Variants in CENPK observed in about 807,000 individuals in gnomAD.
CENPK encodes the protein centromere protein K.
CENPK carries 46 observed loss-of-function variants against 40.9 expected under a neutral mutation model. That is an observed-to-expected ratio of 1.13 (90% confidence interval 0.89 to 1.44). The LOEUF (loss-of-function observed/expected upper bound fraction) is 1.44, where lower values mean the gene tolerates loss of function less well. CENPK is among the 40% of genes most tolerant of loss of function. The pLI, the probability that CENPK is intolerant of heterozygous loss-of-function variation, is 0.00. For missense variants in CENPK, 288 were observed against 303.5 expected (o/e 0.95, Z 0.38); for synonymous variants, 107 against 104.4 (o/e 1.02, Z -0.15).
chr5:65,549,736 G>T (rs912237425), intron 5 of CENPK, among the ~76,000 whole-genome samples: 1 of 152,112 alleles, frequency 6.6e-6, no homozygotes, highest in African/African-American at 2.4e-5. Flanking sequence ...CTCAGCCTTT[G>T]TAGAATTGAA....
intron 2 of CENPK, among the ~76,000 whole-genome samples, chr5:65,559,549 A>G (rs1442701277): frequency 6.6e-6 from 1 of 150,462 alleles, no homozygotes; most frequent in East Asian, 1.9e-4. Context: ...GAATGGCGTG[A>G]ACCCGGGAGG....
At chr5:65,524,371 C>G (rs935259212) in intron 9 of CENPK, among the ~76,000 whole-genome samples, 2 of 149,012 alleles carry the variant, frequency 1.3e-5, no homozygotes, top group Non-Finnish European at 3.0e-5. Context: ...GGCAACAAAG[C>G]GAGACTCCAA....
chr5:65,513,969 T>C (rs1742677032), downstream of CENPK, among the ~76,000 whole-genome samples: 1 of 152,198 alleles, frequency 6.6e-6, no homozygotes, highest in Non-Finnish European at 1.5e-5. Flanking sequence ...CATGTATTGA[T>C]ATGATCATGA....
At chr5:65,500,599 G>T in the CENPK span, among the ~76,000 whole-genome samples, 7 of 152,010 alleles carry the variant, frequency 4.6e-5, no homozygotes, top group Non-Finnish European at 7.4e-5. Context: ...CTGTTCATTT[G>T]ATTTCATCAT....
chr5:65,522,867 A>G (rs1026478400), intron 9 of CENPK, among the ~76,000 whole-genome samples: 1 of 152,250 alleles, frequency 6.6e-6, no homozygotes, highest in Non-Finnish European at 1.5e-5. Context: ...ACCAAAGACA[A>G]AAAAAGAACA....
At chr5:65,541,472 C>A (rs779754007) in intron 6 of CENPK, 1 of 456,114 alleles carries the variant, frequency 2.2e-6, no homozygotes, top group Non-Finnish European at 4.4e-6. Context: ...GAATTCCCCA[C>A]ACATTTTGGT....
chr5:65,518,307 G>T lies in CENPK; in HGVS notation c.*168C>A. ...CTAAAGCACTCACTGAATAAGAAAT[G>T]ACCATTTAAAAATGAATAATAGATG... On this transcript the variant is annotated 3_prime_UTR_variant, in exon 11 of 11. Coordinates refer to ENST00000396679, the MANE Select transcript of CENPK (RefSeq NM_022145.5). 1 of 615,526 alleles carries T rather than the reference G, an allele frequency of 1.6e-6. No homozygotes were observed. Among genetic ancestry groups the T allele is most frequent in the East Asian group, 2.9e-5 (1 of 34,132 alleles). The allele number at this position is 615,526 out of a possible 1,614,324, so 38.1% of individuals were successfully genotyped here.
chr5:65,496,776 G>A, the CENPK span, among the ~76,000 whole-genome samples: 1 of 151,946 alleles, frequency 6.6e-6, no homozygotes, highest in East Asian at 1.9e-4. Flanking sequence ...TAAAAAGGCT[G>A]GGTGCGATGG....
chr5:65,510,284 T>C, the CENPK span, among the ~76,000 whole-genome samples: 25 of 152,148 alleles, frequency 1.6e-4, no homozygotes, highest in African/African-American at 6.0e-4. Flanking sequence ...ATATGAATGG[T>C]AAGAAAGTGA....
At position 65,529,110 on chromosome 5, in the gene CENPK, A is replaced by C. The variant is rs1379418714; in HGVS notation, c.371+7T>G. On this transcript the variant is annotated splice_region_variant and intron_variant, in intron 7 of 10. Transcript: ENST00000396679. ...AATGATTAATAGTAATTGTAACATA[A>C]ACAAACCTTTCTAAGTCTTCCTTTA... The C allele has an allele frequency of 6.3e-7, 1 of 1,593,350 alleles. No individual in the cohort carries two copies. Among genetic ancestry groups the C allele is most frequent in the South Asian group, 1.1e-5 (1 of 89,888 alleles).
chr5:65,551,502 TATTAA>T (rs1750038927), intron 5 of CENPK, 57 bp downstream of exon 5: 1 of 914,796 alleles, frequency 1.1e-6, no homozygotes, highest in African/African-American at 1.8e-5. Flanking sequence ...TTCCTACAAT[TATTAA>T]ATTAATTTGC....
chr5:65,508,663 G>A, the CENPK span, among the ~76,000 whole-genome samples: 1 of 151,712 alleles, frequency 6.6e-6, no homozygotes, highest in Non-Finnish European at 1.5e-5. Context: ...GCAGATGCCT[G>A]TAATCCCAGC....
At chr5:65,507,700 AAACT>A in the CENPK span, among the ~76,000 whole-genome samples, 2 of 152,224 alleles carry the variant, frequency 1.3e-5, no homozygotes, top group Non-Finnish European at 2.9e-5. Flanking sequence ...TGAAACCAGT[AAACT>A]AACACTGATA....
At chr5:65,499,040 A>G in the CENPK span, among the ~76,000 whole-genome samples, 50 of 151,474 alleles carry the variant, frequency 3.3e-4, no homozygotes, top group South Asian at 1.3e-3. Flanking sequence ...CTTTTTTTAA[A>G]TAGAGAATGA....
At chr5:65,512,365 T>A in the CENPK span, among the ~76,000 whole-genome samples, 2 of 152,314 alleles carry the variant, frequency 1.3e-5, no homozygotes, top group Non-Finnish European at 2.9e-5. Flanking sequence ...CATCTTACCA[T>A]GCTACTGAGA....
chr5:65,543,972 C>T (rs954930103), intron 5 of CENPK, among the ~76,000 whole-genome samples: 1 of 152,112 alleles, frequency 6.6e-6, no homozygotes, highest in Admixed American at 6.5e-5. Flanking sequence ...AATTTTAATG[C>T]GTTCAATCCT....
intron 6 of CENPK, among the ~76,000 whole-genome samples, chr5:65,535,188 T>C (rs1746638014): frequency 6.6e-6 from 1 of 150,776 alleles, no homozygotes; most frequent in African/African-American, 2.4e-5. Context: ...ACTGAGATGA[T>C]GCCACTGCAG....
At chr5:65,538,884 T>G (rs534715254) in intron 6 of CENPK, among the ~76,000 whole-genome samples, 2 of 152,320 alleles carry the variant, frequency 1.3e-5, no homozygotes, top group East Asian at 3.9e-4. Flanking sequence ...ATTCTGACTT[T>G]AAAGAAATAG....
At chr5:65,532,910 C>CAAAAAAAAAAA (rs60713724) in intron 6 of CENPK, among the ~76,000 whole-genome samples, 5 of 37,012 alleles carry the variant, frequency 1.4e-4, no homozygotes, top group South Asian at 1.2e-3. Context: ...ACTCCATCTC[C>CAAAAAAAAAAA]AAAAAAAAAA....
Sources: allele counts gnomAD v4.1 joint callset (sites outside exome capture counted in the v4.1 genomes callset), GRCh38; gene constraint gnomAD v4.1.1; transcripts MANE v1.5; gene names NCBI Gene and HGNC (gene_info 2026-07-23, HGNC 2026-07-21).